FERMT2: variants seen among roughly 807,000 people sequenced by gnomAD.
The protein encoded by FERMT2 is fermitin family homolog 2.
FERMT2 carries 15 observed loss-of-function variants against 82.7 expected under a neutral mutation model. That is an observed-to-expected ratio of 0.18 (90% CI 0.12 to 0.28). The LOEUF (loss-of-function observed/expected upper bound fraction) is 0.28. Ranked by LOEUF, FERMT2 falls within the 10% of genes least tolerant of loss-of-function variation. The probability of loss-of-function intolerance (pLI) is 1.00; values close to 1 mark genes in which losing one functional copy is unlikely to be tolerated. For synonymous variants in FERMT2, 274 were observed against 271.5 expected, an observed-to-expected ratio of 1.01 and a Z score of -0.09; for missense variants, 645 against 809.4, an observed-to-expected ratio of 0.80 and a Z score of 2.46.
chr14:52,933,388 G>A (rs1003888310), intron 2 of FERMT2, among the ~76,000 whole-genome samples: 1 of 151,872 alleles, frequency 6.6e-6, no homozygotes, highest in African/African-American at 2.4e-5. Context: ...ATGCAAACTT[G>A]ATCAGTTTAT....
chr14:52,936,302 T>C (rs753185220), intron 2 of FERMT2, among the ~76,000 whole-genome samples: 8 of 152,334 alleles, frequency 5.3e-5, no homozygotes, highest in Non-Finnish European at 1.0e-4. Flanking sequence ...AATTCTAATA[T>C]AAAACTTCAA....
At chr14:52,893,220 CCCACCA>C in intron 4 of FERMT2, 67 bp downstream of exon 4, 1 of 1,360,978 alleles carries the variant, frequency 7.3e-7, no homozygotes, top group Non-Finnish European at 9.8e-7. Context: ...GATCCATTTA[CCCACCA>C]CCAGAAAGAC....
At chr14:52,884,569 C>T (rs1177367513) in intron 4 of FERMT2, among the ~76,000 whole-genome samples, 3 of 151,732 alleles carry the variant, frequency 2.0e-5, no homozygotes, top group African/African-American at 7.3e-5. Flanking sequence ...CCATTGCACT[C>T]CAGCCTGGGT....
chr14:52,945,030 A>C (rs1186395062), intron 2 of FERMT2, among the ~76,000 whole-genome samples: 1 of 151,982 alleles, frequency 6.6e-6, no homozygotes, highest in Non-Finnish European at 1.5e-5. Context: ...CCTCCCGAGT[A>C]GCTGGGACTA....
chr14:52,913,103 T>C (rs942346661), intron 3 of FERMT2, among the ~76,000 whole-genome samples: 2 of 152,154 alleles, frequency 1.3e-5, no homozygotes, highest in Non-Finnish European at 2.9e-5. Flanking sequence ...AACAAACGAT[T>C]GCAAAAGTGT....
intron 12 of FERMT2, chr14:52,861,105 A>T: frequency 7.2e-7 from 1 of 1,394,544 alleles, no homozygotes; most frequent in Non-Finnish European, 9.6e-7. Flanking sequence ...AAAAATGGCA[A>T]CGAAGCAAAG....
At chr14:52,887,962 G>A (rs1329467348) in intron 4 of FERMT2, among the ~76,000 whole-genome samples, 1 of 152,086 alleles carries the variant, frequency 6.6e-6, no homozygotes, top group Admixed American at 6.6e-5. Flanking sequence ...CTGGTATTTT[G>A]TGGCGATTAA....
chr14:52,893,527 CTGTA>C (rs912334401), intron 3 of FERMT2, 100 bp from the exon 4 acceptor site: 9 of 892,908 alleles, frequency 1.0e-5, no homozygotes, highest in African/African-American at 1.7e-5. Context: ...TAACTTCCTT[CTGTA>C]TGTCTGAGTT....
chr14:52,893,385 C>G lies in FERMT2; in HGVS notation c.434G>C (p.Arg145Thr), dbSNP rs1415100170. The G allele has an allele frequency of 6.2e-7, 1 of 1,611,788 alleles. No individual in the cohort carries two copies. The highest frequency in any genetic ancestry group is 8.5e-7 in the Non-Finnish European group (1 of 1,179,066). Reference protein sequence around the residue: ...PEELSLLKKPRDPTKKKKKKL... With the variant: ...PEELSLLKKPTDPTKKKKKKL... ...CTTCTTTTTTTTCTTTGTTGGATCT[C>G]TGGGTTTCTTTAAGAGAGAAAGTTC... Residue 145 changes from arginine to threonine, a missense_variant, in exon 4 of 15, where the codon AGA becomes ACA. Coordinates refer to ENST00000341590, the MANE Select transcript of FERMT2 (RefSeq NM_006832.3).
intron 14 of FERMT2, chr14:52,859,172 T>A (rs1884747883): frequency 6.2e-6 from 1 of 161,200 alleles, no homozygotes; most frequent in African/African-American, 2.4e-5. Flanking sequence ...ATGATGGCCC[T>A]CAGGTCTCTC....
At chr14:52,869,464 C>A (rs1201478187) in intron 10 of FERMT2, among the ~76,000 whole-genome samples, 1 of 152,146 alleles carries the variant, frequency 6.6e-6, no homozygotes, top group East Asian at 1.9e-4. Context: ...AACAGCATTT[C>A]GGTAAACAAC....
At chr14:52,873,614 G>C (rs555534734) in intron 9 of FERMT2, 2 of 152,484 alleles carry the variant, frequency 1.3e-5, no homozygotes, top group East Asian at 3.9e-4. Context: ...GTTTATTCTA[G>C]AGTAGTTTTG....
chr14:52,876,954 G>T (rs975974348), intron 7 of FERMT2, among the ~76,000 whole-genome samples: 1 of 152,082 alleles, frequency 6.6e-6, no homozygotes, highest in Non-Finnish European at 1.5e-5. Context: ...GGTCTTGGAG[G>T]GCTATGGTTT....
intron 4 of FERMT2, among the ~76,000 whole-genome samples, chr14:52,890,235 G>A (rs1168616135): frequency 2.4e-4 from 36 of 151,714 alleles, no homozygotes; most frequent in South Asian, 6.2e-4. Flanking sequence ...AGGAGGTGAG[G>A]AGTTCGAGAC....
intron 2 of FERMT2, among the ~76,000 whole-genome samples, chr14:52,946,524 G>A (rs568892400): frequency 1.4e-4 from 22 of 152,034 alleles, no homozygotes; most frequent in Admixed American, 1.2e-3. Context: ...GTGGTGGTGC[G>A]TGCCTGTAGT....
chr14:52,860,544 G>T, intron 12 of FERMT2, 79 bp from the exon 13 acceptor site: 1 of 1,295,380 alleles, frequency 7.7e-7, no homozygotes, highest in South Asian at 1.5e-5. Flanking sequence ...TCAAAAGATT[G>T]AATTACGCAC....
In FERMT2 at chr14:52,864,517, G is replaced by C. The variant is rs1447607689; in HGVS notation, c.1486C>G (p.Leu496Val). The C allele has an allele frequency of 6.2e-7, 1 of 1,614,082 alleles. No homozygotes were observed. The highest frequency in any genetic ancestry group is 8.5e-7 in the Non-Finnish European group (1 of 1,179,944). ...TCTGGGTTTAAATGCTGCATCTTCA[G>C]AAAGGAAAGAATATTCTGAACTTCT... Reference protein sequence around the residue: ...NLEVQNILSFLKMQHLNPDPQ... With the variant: ...NLEVQNILSFVKMQHLNPDPQ... Residue 496 changes from leucine (L) to valine (V), a missense_variant, in exon 12 of 15, where the codon CTG (leucine) becomes GTG (valine). By Grantham distance (32) the Leu-to-Val change is conservative. Coordinates refer to ENST00000341590, the MANE Select transcript of FERMT2 (RefSeq NM_006832.3).
intron 8 of FERMT2, 36 bp downstream of exon 8, chr14:52,875,187 G>C: frequency 6.4e-7 from 1 of 1,573,808 alleles, no homozygotes; most frequent in East Asian, 2.3e-5. Flanking sequence ...ATCAATTCAA[G>C]CTAAATTAGT....
intron 12 of FERMT2, chr14:52,861,802 G>GAATT (rs1407866955): frequency 2.0e-5 from 3 of 152,090 alleles, no homozygotes; most frequent in African/African-American, 7.2e-5. Context: ...TAATTGAAGG[G>GAATT]AATTAAAGTA....
Sources: allele counts gnomAD v4.1 joint callset (sites outside exome capture counted in the v4.1 genomes callset), GRCh38; gene constraint gnomAD v4.1.1; transcripts MANE v1.5; gene names NCBI Gene and HGNC (gene_info 2026-07-23, HGNC 2026-07-21).